The following NME7 variants were observed in gnomAD, a reference collection of about 807,000 sequenced individuals.
The protein encoded by NME7 is nucleoside diphosphate kinase 7.
Under a neutral mutation model 49.1 loss-of-function variants are expected in NME7, and 41 were observed. The observed-to-expected ratio is 0.83, with a 90% CI of 0.65 to 1.08. The LOEUF (loss-of-function observed/expected upper bound fraction) is 1.08, where lower values mean the gene tolerates loss of function less well. NME7 is among the 50% of genes least tolerant of loss of function. NME7 has a pLI of 0.00. For missense variants in NME7, 423 were observed against 463.4 expected (o/e 0.91, Z 0.80); for synonymous variants, 139 against 150.6 (o/e 0.92, Z 0.56).
At chr1:169,189,966 G>A (rs956445579) in intron 10 of NME7, among the ~76,000 whole-genome samples, 7 of 152,102 alleles carry the variant, frequency 4.6e-5, no homozygotes, top group African/African-American at 1.7e-4. Context: ...GCCAACAAAA[G>A]TTTTGCTATT....
chr1:169,352,352 G>A (rs1007233182), intron 1 of NME7, among the ~76,000 whole-genome samples: 11 of 152,018 alleles, frequency 7.2e-5, no homozygotes, highest in Middle Eastern at 3.4e-3. Context: ...CATTGATGCC[G>A]AAAAAGCATT....
chr1:169,288,211 G>C (rs1650354435), intron 6 of NME7, among the ~76,000 whole-genome samples: 1 of 152,090 alleles, frequency 6.6e-6, no homozygotes, highest in East Asian at 1.9e-4. Context: ...GGTTATTTGG[G>C]TACTTATCTT....
chr1:169,300,367 T>C (rs1447951610), intron 5 of NME7, among the ~76,000 whole-genome samples: 1 of 152,124 alleles, frequency 6.6e-6, no homozygotes, highest in Non-Finnish European at 1.5e-5. Context: ...ATAATAATTT[T>C]CTTACATACA....
intron 1 of NME7, among the ~76,000 whole-genome samples, chr1:169,333,822 G>C (rs151057616): frequency 0.016 from 2,415 of 152,096 alleles, 36 homozygotes; most frequent in Non-Finnish European, 0.025. Flanking sequence ...GTGTTTGCTC[G>C]ATTTCTAGAA....
intron 10 of NME7, among the ~76,000 whole-genome samples, chr1:169,209,441 G>T (rs559004928): frequency 2.6e-5 from 4 of 152,128 alleles, no homozygotes; most frequent in African/African-American, 9.6e-5. Context: ...TTTCTATCAA[G>T]AATTTCTTCA....
At chr1:169,253,120 G>A (rs1648713389) in intron 7 of NME7, among the ~76,000 whole-genome samples, 1 of 152,102 alleles carries the variant, frequency 6.6e-6, no homozygotes, top group African/African-American at 2.4e-5. Flanking sequence ...TAGCTTGATG[G>A]GGATGGCATT....
At chr1:169,306,461 A>C (rs1454047355) in intron 4 of NME7, among the ~76,000 whole-genome samples, 1 of 152,172 alleles carries the variant, frequency 6.6e-6, no homozygotes, top group Non-Finnish European at 1.5e-5. Context: ...TGAGCCTATA[A>C]AATGCCTAAA....
chr1:169,200,592 T>A (rs1660519659), intron 10 of NME7, among the ~76,000 whole-genome samples: 1 of 152,098 alleles, frequency 6.6e-6, no homozygotes, highest in Non-Finnish European at 1.5e-5. Flanking sequence ...TATCAGGCTC[T>A]TACAATCTGG....
chr1:169,327,328 A>G (rs1440120242), intron 1 of NME7, among the ~76,000 whole-genome samples: 2 of 152,206 alleles, frequency 1.3e-5, no homozygotes, highest in African/African-American at 2.4e-5. Context: ...TCAAAAAGAG[A>G]CTTTCTTAAA....
At chr1:169,209,964 G>A (rs1387350351) in intron 10 of NME7, among the ~76,000 whole-genome samples, 2 of 152,076 alleles carry the variant, frequency 1.3e-5, no homozygotes, top group Non-Finnish European at 2.9e-5. Flanking sequence ...ACAATTATCA[G>A]ATTCTTCTAA....
intron 10 of NME7, chr1:169,190,538 T>A: frequency 4.0e-6 from 1 of 251,654 alleles, no homozygotes; most frequent in South Asian, 3.6e-5. Flanking sequence ...TTTTTGGAGG[T>A]GGAATAGGGG....
intron 7 of NME7, among the ~76,000 whole-genome samples, chr1:169,245,750 A>G (rs1024341): frequency 0.07 from 10,585 of 152,174 alleles, 1,450 homozygotes; most frequent in East Asian, 0.66. Context: ...AAACATGATT[A>G]GTGTAAAGAC....
chr1:169,168,797 T>C (rs138696777), intron 11 of NME7: 8 of 450,738 alleles, frequency 1.8e-5, no homozygotes, highest in Admixed American at 1.7e-4. Flanking sequence ...ATATATGTTA[T>C]GCACTCATAA....
In NME7 at chr1:169,237,604, T is replaced by C. The variant is rs779857466; in HGVS notation, c.819+19A>G. On this transcript the variant is annotated intron_variant, in intron 8 of 11. Transcript: ENST00000367811. ...AAAAAAATCCTCACAAATATTATGG[T>C]TCATTGTAAACTACCTACCATCTGC... is the stretch of plus-strand genomic sequence containing the variant. 2.9e-5 allele frequency: 45 copies of C among 1,578,704 alleles called. No individual in the cohort carries two copies. The South Asian group carries it at 4.8e-4, about 17-fold the overall frequency.
intron 11 of NME7, among the ~76,000 whole-genome samples, chr1:169,151,137 G>A (rs1430843892): frequency 7.3e-6 from 1 of 137,280 alleles, no homozygotes; most frequent in Non-Finnish European, 1.6e-5. Context: ...TCCCACCCCA[G>A]GGCTTCCAGG....
chr1:169,252,412 GT>G (rs1571327811), intron 7 of NME7, among the ~76,000 whole-genome samples: 1 of 151,972 alleles, frequency 6.6e-6, no homozygotes, highest in East Asian at 1.9e-4. Context: ...GGGGTTGTTT[GT>G]TTTTTTCTTA....
intron 7 of NME7, among the ~76,000 whole-genome samples, chr1:169,251,245 T>C (rs1249198017): frequency 5.3e-5 from 8 of 152,132 alleles, no homozygotes; most frequent in Non-Finnish European, 8.8e-5. Context: ...TTGTCTTTTT[T>C]TACTGTTGTT....
At chr1:169,183,403 T>A (rs2101751521) in intron 10 of NME7, among the ~76,000 whole-genome samples, 1 of 152,318 alleles carries the variant, frequency 6.6e-6, no homozygotes, top group African/African-American at 2.4e-5. Flanking sequence ...ATAACTCACA[T>A]CTTTATATAT....
chr1:169,315,905 G>T (rs1049350015), intron 3 of NME7, among the ~76,000 whole-genome samples: 3 of 151,958 alleles, frequency 2.0e-5, no homozygotes, highest in African/African-American at 7.2e-5. Flanking sequence ...ATTAAAAATT[G>T]ATAGAATATA....
Sources: gnomAD v4.1 joint callset for allele counts (sites outside exome capture counted in the v4.1 genomes callset) on GRCh38, gnomAD v4.1.1 for gene constraint, MANE v1.5 for transcripts, NCBI Gene and HGNC (gene_info 2026-07-23, HGNC 2026-07-21) for gene names.